The following DNAH14 variants were observed in gnomAD, a reference collection of about 807,000 sequenced individuals.
DNAH14 encodes the protein dynein axonemal heavy chain 14.
In DNAH14, 478 loss-of-function variants were observed where a neutral mutation model predicts 520.9. The observed-to-expected ratio is 0.92, with a 90% confidence interval of 0.85 to 0.99. DNAH14 has a LOEUF of 0.99. Among genes scored for constraint, DNAH14 ranks in the 50% least tolerant of loss-of-function variants. DNAH14 has a pLI of 0.00. For synonymous variants in DNAH14, 1,581 were observed against 1,757.2 expected, an observed-to-expected ratio of 0.90 and a Z score of 2.51; for missense variants, 4,831 against 5,234.5, an observed-to-expected ratio of 0.92 and a Z score of 2.38.
chr1:225,215,040 C>G (rs1574046781), intron 41 of DNAH14, among the ~76,000 whole-genome samples: 1 of 152,108 alleles, frequency 6.6e-6, no homozygotes, highest in Non-Finnish European at 1.5e-5. Context: ...CTCTTGTGGT[C>G]ATTTAGTACT....
intron 42 of DNAH14, among the ~76,000 whole-genome samples, chr1:225,238,106 T>A (rs1183421412): frequency 6.6e-6 from 1 of 152,216 alleles, no homozygotes; most frequent in Non-Finnish European, 1.5e-5. Context: ...ATTCTGAAGC[T>A]TACTTCTGTT....
At chr1:225,029,143 C>T (rs575595840) in intron 11 of DNAH14, among the ~76,000 whole-genome samples, 1 of 152,016 alleles carries the variant, frequency 6.6e-6, no homozygotes, top group South Asian at 2.1e-4. Context: ...GAATAAATCT[C>T]AAATGTTAAG....
intron 41 of DNAH14, among the ~76,000 whole-genome samples, chr1:225,215,866 C>T (rs545169544): frequency 9.9e-4 from 151 of 152,290 alleles, no homozygotes; most frequent in African/African-American, 3.6e-3. Context: ...CAGTCTCTGT[C>T]TTTTAATTCA....
chr1:225,173,330 G>T (rs1280670222), intron 36 of DNAH14, among the ~76,000 whole-genome samples: 3 of 152,130 alleles, frequency 2.0e-5, no homozygotes, highest in Non-Finnish European at 4.4e-5. Context: ...GCAACCTACA[G>T]AATGGGGGAA....
intron 1 of DNAH14, among the ~76,000 whole-genome samples, chr1:224,945,811 G>T (rs1236450969): frequency 6.6e-6 from 1 of 152,290 alleles, no homozygotes; most frequent in Non-Finnish European, 1.5e-5. Context: ...AGCGGATATT[G>T]GTGAACAGCA....
intron 44 of DNAH14, among the ~76,000 whole-genome samples, chr1:225,255,310 AGAATTACATG>A (rs1268708860): frequency 6.6e-6 from 1 of 152,246 alleles, no homozygotes; most frequent in East Asian, 1.9e-4. Flanking sequence ...ATCCATTTAA[AGAATTACATG>A]TGATTTTGAT....
At chr1:225,281,668 G>T (rs2093629282) in intron 54 of DNAH14, among the ~76,000 whole-genome samples, 1 of 151,998 alleles carries the variant, frequency 6.6e-6, no homozygotes, top group African/African-American at 2.4e-5. Context: ...CTATTGTCAG[G>T]CTTATAATAT....
At chr1:224,952,455 A>G (rs943540106) in intron 1 of DNAH14, among the ~76,000 whole-genome samples, 1 of 152,228 alleles carries the variant, frequency 6.6e-6, no homozygotes, top group Non-Finnish European at 1.5e-5. Flanking sequence ...ATTGCCATAG[A>G]AAGGAAGTTA....
chr1:225,078,795 T>C (rs1572906915), intron 17 of DNAH14, among the ~76,000 whole-genome samples: 1 of 58,386 alleles, frequency 1.7e-5, no homozygotes, highest in African/African-American at 4.6e-5. Flanking sequence ...TCTCTCTCTC[T>C]CTCTCTCTCT....
At chr1:224,939,838 A>G (rs571542373) in intron 1 of DNAH14, among the ~76,000 whole-genome samples, 1 of 152,212 alleles carries the variant, frequency 6.6e-6, no homozygotes, top group Non-Finnish European at 1.5e-5. Context: ...TCTCTTGCTG[A>G]ATTGTAATTC....
chr1:225,219,774 A>G (rs992924437), intron 41 of DNAH14, among the ~76,000 whole-genome samples: 2 of 152,152 alleles, frequency 1.3e-5, no homozygotes, highest in South Asian at 2.1e-4. Flanking sequence ...ATTCCAAACA[A>G]TAGAAAATAG....
At chr1:224,991,873 A>G (rs2063080720) in intron 8 of DNAH14, among the ~76,000 whole-genome samples, 1 of 152,198 alleles carries the variant, frequency 6.6e-6, no homozygotes, top group Non-Finnish European at 1.5e-5. Context: ...GAAAAAGGTC[A>G]ACATCACTGA....
chr1:225,175,844 C>T (rs1314710222), intron 36 of DNAH14, among the ~76,000 whole-genome samples: 1 of 151,758 alleles, frequency 6.6e-6, no homozygotes, highest in Non-Finnish European at 1.5e-5. Context: ...ACAAGCTCTG[C>T]ACCTCCAGGG....
At chr1:224,985,575 C>T (rs998209756) in intron 8 of DNAH14, among the ~76,000 whole-genome samples, 3 of 152,020 alleles carry the variant, frequency 2.0e-5, no homozygotes, top group Admixed American at 2.0e-4. Flanking sequence ...AGAATTTACT[C>T]GTAACCAGAT....
intron 23 of DNAH14, among the ~76,000 whole-genome samples, chr1:225,104,835 A>G (rs1420898619): frequency 6.6e-6 from 1 of 152,136 alleles, no homozygotes; most frequent in Non-Finnish European, 1.5e-5. Context: ...TCAAAAAACC[A>G]GCTCCTAGAT....
rs1016242153 is a variant in DNAH14, at chr1:225,345,895, G to A, written c.10679-67G>A. ...TACAAACCCTTACACAAAGAGTGCAGAGTGAGGAAATAGCCATTTACTGTT... is the reference window on the plus strand; with the variant it reads ...TACAAACCCTTACACAAAGAGTGCAAAGTGAGGAAATAGCCATTTACTGTT... On this transcript the variant is annotated intron_variant, in intron 69 of 85. Transcript: ENST00000682510. The A allele has an allele frequency of 3.7e-6, 5 of 1,334,098 alleles. No individual in the cohort carries two copies. The African/African-American group carries it at 5.9e-5, about 16-fold the overall frequency. 82.6% of individuals were successfully genotyped at this position (1,334,098 alleles called of 1,614,324 possible).
At chr1:225,271,856 T>C in intron 50 of DNAH14, 50 bp from the exon 51 acceptor site, 1 of 1,469,330 alleles carries the variant, frequency 6.8e-7, no homozygotes, top group Non-Finnish European at 9.2e-7. Flanking sequence ...CCAGAAGTAG[T>C]CTATACCTCA....
chr1:224,967,559 T>A lies in DNAH14; in HGVS notation c.627T>A (p.Val209=), dbSNP rs1176765695. 2 of 1,602,894 alleles carry A rather than the reference T, an allele frequency of 1.2e-6. No individual in the cohort carries two copies. The highest frequency in any genetic ancestry group is 1.7e-6 in the Non-Finnish European group (2 of 1,176,280). The change falls in exon 6 of 86, where the codon GTT becomes GTA. Residue 209 remains valine (V), a synonymous_variant. Coordinates refer to ENST00000682510, the MANE Select transcript of DNAH14 (RefSeq NM_001367479.1). Reference sequence around the variant, plus strand: ...CTAAACATTGCAAAGAATTTTGGGTTATTACTGCTTCATTTATCTCAAAGG... The same window carrying A: ...CTAAACATTGCAAAGAATTTTGGGTAATTACTGCTTCATTTATCTCAAAGG... ...HTAKHCKEFW[V]ITASFISKVI...
intron 1 of DNAH14, 126 bp downstream of exon 1, chr1:224,929,961 G>T (rs1388683220): frequency 1.9e-6 from 1 of 522,224 alleles, no homozygotes; most frequent in Middle Eastern, 4.9e-4. Flanking sequence ...TCCCCACCCA[G>T]CTGCTGTGGG....
Sources: gnomAD v4.1 joint callset for allele counts (sites outside exome capture counted in the v4.1 genomes callset) on GRCh38, gnomAD v4.1.1 for gene constraint, MANE v1.5 for transcripts, NCBI Gene and HGNC (gene_info 2026-07-23, HGNC 2026-07-21) for gene names.